CCNL2: variants seen among roughly 807,000 people sequenced by gnomAD.
CCNL2 encodes the protein cyclin-L2.
In CCNL2, 28 loss-of-function variants were observed where a neutral mutation model predicts 59.1. The observed-to-expected ratio is 0.47, with a 90% CI of 0.35 to 0.65. The LOEUF is 0.65. Among genes scored for constraint, CCNL2 ranks in the 30% least tolerant of loss-of-function variants. The probability of loss-of-function intolerance (pLI) is 0.00; values close to 1 mark genes in which losing one functional copy is unlikely to be tolerated. For synonymous variants in CCNL2, 342 were observed against 288.6 expected, an observed-to-expected ratio of 1.19 and a Z score of -1.88; for missense variants, 714 against 717.4, an observed-to-expected ratio of 1.00 and a Z score of 0.05.
chr1:1,393,516 G>A (rs1181805023), intron 4 of CCNL2, 56 bp from the exon 5 acceptor site: 4 of 1,457,974 alleles, frequency 2.7e-6, no homozygotes, highest in African/African-American at 2.8e-5. Context: ...CCAGAATTCA[G>A]ATCTTGTGGG....
rs755827420 is a variant in CCNL2 at position 1,398,330 on chromosome 1, C to T, written c.376G>A (p.Ala126Thr). 6.2e-7 allele frequency: 1 copy of T among 1,614,128 alleles called. No homozygotes were observed. The highest frequency in any genetic ancestry group is 8.5e-7 in the Non-Finnish European group (1 of 1,180,014). Residue 126 changes from alanine (A) to threonine (T), a missense_variant, in exon 3 of 11, where the codon GCC becomes ACC. By Grantham distance (58) the Ala-to-Thr change is moderately conservative. This residue lies in a region of CCNL2 where 270 missense variants were observed against 254.9 expected (regional missense o/e 1.06). Coordinates refer to ENST00000400809, the MANE Select transcript of CCNL2 (RefSeq NM_030937.6). The stretch of plus-strand genomic sequence containing the variant: ...ATCTTGGAAGCCAGGTGGACACAGG[C>T]CATTGACACATGCTGAAGCGGAAGC... ...VKHSMEHVSMACVHLASKIEE... is the reference protein window; with the variant it reads ...VKHSMEHVSMTCVHLASKIEE...
At chr1:1,392,265 TA>T (rs1644801380) in intron 5 of CCNL2, 1 of 930,238 alleles carries the variant, frequency 1.1e-6, no homozygotes, top group Non-Finnish European at 1.3e-6. Flanking sequence ...TTAAAATTCT[TA>T]AAAACAAATG....
intron 6 of CCNL2, 96 bp downstream of exon 6, chr1:1,390,670 G>C (rs965668468): frequency 2.2e-5 from 33 of 1,482,780 alleles, no homozygotes; most frequent in Non-Finnish European, 3.1e-5. Context: ...CTTTGGCCCA[G>C]ATTAGAGTAA....
intron 6 of CCNL2, 94 bp from the exon 7 acceptor site, chr1:1,390,657 A>C: frequency 6.8e-7 from 1 of 1,479,428 alleles, no homozygotes; most frequent in Admixed American, 1.8e-5. Flanking sequence ...GGTCACGAAA[A>C]TGCTTTGGCC....
rs776766347 is a variant in CCNL2, at chr1:1,387,208, C to T, written c.*23G>A. Reference sequence around the variant, plus strand: ...GTACTCCCCAGGGAAGGGCTTGCGGCCACCAGTCACTGCAACCCCGCCTCA... The same window carrying T: ...GTACTCCCCAGGGAAGGGCTTGCGGTCACCAGTCACTGCAACCCCGCCTCA... On this transcript the variant is annotated 3_prime_UTR_variant, in exon 11 of 11. Transcript: ENST00000400809. 2 of 1,578,988 alleles carry T rather than the reference C, an allele frequency of 1.3e-6. No homozygotes were observed. The highest frequency in any genetic ancestry group is 1.7e-5 in the Admixed American group (1 of 59,458).
Position 1,386,687 on chromosome 1 carries a change from T to G in CCNL2, c.*544A>C, listed in dbSNP as rs532904965. The G allele has an allele frequency of 6.5e-6, 1 of 152,944 alleles. No homozygotes were observed. The highest frequency in any genetic ancestry group is 2.1e-4 in the South Asian group (1 of 4,830). 9.5% of individuals were successfully genotyped at this position (152,944 alleles called of 1,614,324 possible). On this transcript the variant is annotated 3_prime_UTR_variant, in exon 11 of 11. Coordinates refer to ENST00000400809, the MANE Select transcript of CCNL2 (RefSeq NM_030937.6). The stretch of plus-strand genomic sequence containing the variant: ...TTTTAAGCTGACGGGATTCAAGTTC[T>G]GAGTTTTCATACATAGCTTTAACTT...
intron 3 of CCNL2, among the ~76,000 whole-genome samples, chr1:1,397,795 G>A (rs1237726837): frequency 2.0e-5 from 3 of 152,298 alleles, no homozygotes; most frequent in South Asian, 2.1e-4. Context: ...AGCCTAGGAG[G>A]TTGAGGCTGT....
At chr1:1,388,470 G>T (rs983389186) in intron 8 of CCNL2, 3 of 451,858 alleles carry the variant, frequency 6.6e-6, no homozygotes, top group Non-Finnish European at 1.3e-5. Flanking sequence ...ACAGTGAGCC[G>T]AGATCACGCC....
intron 8 of CCNL2, chr1:1,388,345 AC>A: frequency 2.3e-6 from 1 of 427,860 alleles, no homozygotes; most frequent in Non-Finnish European, 4.4e-6. Context: ...ACATGGTGAA[AC>A]CCCATCTCTA....
At chr1:1,397,910 A>G (rs1022431121) in intron 3 of CCNL2, among the ~76,000 whole-genome samples, 7 of 152,336 alleles carry the variant, frequency 4.6e-5, no homozygotes, top group East Asian at 3.9e-4. Context: ...TGCTGAGATT[A>G]AGATTCCCTG....
intron 5 of CCNL2, chr1:1,392,716 C>T (rs1327281685): frequency 6.3e-7 from 1 of 1,591,832 alleles, no homozygotes; most frequent in Non-Finnish European, 8.6e-7. Flanking sequence ...AGAGCCTGCA[C>T]TGGATTGGCT....
intron 8 of CCNL2, 104 bp downstream of exon 8, chr1:1,390,126 A>G: frequency 8.3e-7 from 1 of 1,205,072 alleles, no homozygotes; most frequent in South Asian, 1.7e-5. Context: ...AAAAAAAAAA[A>G]AAAAAAATGT....
chr1:1,391,596 A>G, intron 5 of CCNL2: 6 of 1,292,246 alleles, frequency 4.6e-6, no homozygotes, highest in Admixed American at 2.3e-5. Flanking sequence ...ACATTCATAG[A>G]ATCAGAAGCA....
chr1:1,391,052 A>G, intron 5 of CCNL2, 187 bp from the exon 6 acceptor site: 1 of 989,162 alleles, frequency 1.0e-6, no homozygotes, highest in South Asian at 2.1e-5. Flanking sequence ...CTTTTTCTAA[A>G]TACAGTAAAT....
intron 3 of CCNL2, among the ~76,000 whole-genome samples, chr1:1,397,656 A>G (rs561834622): frequency 5.0e-4 from 76 of 152,252 alleles, no homozygotes; most frequent in African/African-American, 1.8e-3. Context: ...GAGCCCAGGA[A>G]TTTGAGACCA....
rs1367038796 is a variant in CCNL2, at chr1:1,386,021, C to T, written c.*1210G>A. 6.6e-6 allele frequency: 1 copy of T among 152,204 alleles called. No homozygotes were observed. The highest frequency in any genetic ancestry group is 1.9e-4 in the East Asian group (1 of 5,198). The allele number at this position is 152,204 out of a possible 1,614,324, so 9.4% of individuals were successfully genotyped here. A position where few individuals can be genotyped will look rare whatever the true frequency, so the allele number is the denominator to read the frequency against. ...GCCCCGGCCTATATGTCCCACTGCC[C>T]TAGTAAGTCCAAACGGTACCACCAG... On this transcript the variant is annotated 3_prime_UTR_variant, in exon 11 of 11. Transcript: ENST00000400809.
At chr1:1,391,441 T>C in intron 5 of CCNL2, 1 of 1,229,114 alleles carries the variant, frequency 8.1e-7, no homozygotes, top group Non-Finnish European at 1.0e-6. Flanking sequence ...GGAGTCCACT[T>C]GGAAGAGGGA....
In CCNL2 at chr1:1,398,587, G is replaced by T; in HGVS notation, c.363+10C>A. On this transcript the variant is annotated intron_variant, in intron 2 of 10. Transcript: ENST00000400809. ...CTTCGCTGGGAATGAAGTGCAGGAG[G>T]AAGCCTTACCTCCATGGAGTGCTTC... is the stretch of plus-strand genomic sequence containing the variant. 1 of 1,613,122 alleles carries T rather than the reference G, an allele frequency of 6.2e-7. No homozygotes were observed. Among genetic ancestry groups the T allele is most frequent in the Non-Finnish European group, 8.5e-7 (1 of 1,179,238 alleles).
In CCNL2 at chr1:1,398,947, G is replaced by A. The variant is rs961196623; in HGVS notation, c.288+72C>T. On this transcript the variant is annotated intron_variant, in intron 1 of 10. Transcript: ENST00000400809. ...GTCTAGGCGGGGGCGGTGCGGGCCC[G>A]ACTCGCCGCCAACAAAGGCGGCTGC... 5 of 1,483,196 alleles carry A rather than the reference G, an allele frequency of 3.4e-6. No individual in the cohort carries two copies. The African/African-American group carries it at 7.2e-5, about 21-fold the overall frequency. The allele number at this position is 1,483,196 out of a possible 1,614,324, so 91.9% of individuals were successfully genotyped here.
Sources: gnomAD v4.1 joint callset for allele counts (sites outside exome capture counted in the v4.1 genomes callset) on GRCh38, gnomAD v4.1.1 for gene constraint, gnomAD v4.1.1 regional missense constraint, MANE v1.5 for transcripts, NCBI Gene and HGNC (gene_info 2026-07-23, HGNC 2026-07-21) for gene names.